SHQ1: variants seen among roughly 807,000 people sequenced by gnomAD.
SHQ1 encodes protein SHQ1 homolog.
Under a neutral mutation model 53.8 loss-of-function variants are expected in SHQ1, and 49 were observed. The observed-to-expected ratio is 0.91, with a 90% CI of 0.72 to 1.16. The LOEUF (loss-of-function observed/expected upper bound fraction) is 1.16, where lower values mean the gene tolerates loss of function less well. SHQ1 is among the 50% of genes most tolerant of loss of function. The pLI is 0.00. For missense variants in SHQ1, 738 were observed against 683.1 expected, an observed-to-expected ratio of 1.08 and a Z score of -0.90; for synonymous variants, 243 against 251.0, an observed-to-expected ratio of 0.97 and a Z score of 0.30.
chr3:72,768,301 T>C (rs760532472), intron 10 of SHQ1, among the ~76,000 whole-genome samples: 1 of 152,346 alleles, frequency 6.6e-6, no homozygotes, highest in Non-Finnish European at 1.5e-5. Flanking sequence ...AGAGGCAGTT[T>C]GACTTTCTTC....
chr3:72,835,106 CTTT>C (rs761840255), intron 4 of SHQ1, among the ~76,000 whole-genome samples: 18 of 130,760 alleles, frequency 1.4e-4, no homozygotes, highest in African/African-American at 3.9e-4. Flanking sequence ...CCATCAGCTT[CTTT>C]TTTTTTTTTT....
intron 8 of SHQ1, among the ~76,000 whole-genome samples, chr3:72,814,939 T>C (rs569913095): frequency 6.6e-6 from 1 of 152,326 alleles, no homozygotes; most frequent in African/African-American, 2.4e-5. Flanking sequence ...TTTTTACATA[T>C]ACACATATAT....
At chr3:72,786,643 C>T (rs6764729) in intron 10 of SHQ1, among the ~76,000 whole-genome samples, 15 of 152,320 alleles carry the variant, frequency 9.8e-5, no homozygotes, top group Admixed American at 9.8e-4. Context: ...GATGCTTCCA[C>T]AGCTCCCATA....
intron 9 of SHQ1, among the ~76,000 whole-genome samples, chr3:72,803,687 TTAC>T (rs1337015138): frequency 4.6e-5 from 7 of 152,358 alleles, no homozygotes; most frequent in Admixed American, 3.9e-4. Context: ...TCTGATGCAC[TTAC>T]TCAATTCTGT....
chr3:72,771,015 T>G (rs1308387830), intron 10 of SHQ1, among the ~76,000 whole-genome samples: 1 of 152,160 alleles, frequency 6.6e-6, no homozygotes, highest in Non-Finnish European at 1.5e-5. Context: ...TATGAGTGTA[T>G]GATTATACAG....
intron 9 of SHQ1, chr3:72,794,187 T>C (rs1559675184): frequency 6.6e-6 from 1 of 152,244 alleles, no homozygotes; most frequent in African/African-American, 2.4e-5. Context: ...ATGAAGATAC[T>C]GGATGCACTT....
At chr3:72,817,114 C>T in intron 7 of SHQ1, 116 bp downstream of exon 7, 1 of 1,115,578 alleles carries the variant, frequency 9.0e-7, no homozygotes, top group Non-Finnish European at 1.2e-6. Context: ...CTGCTGGGGG[C>T]ATCCCCTGAA....
intron 10 of SHQ1, among the ~76,000 whole-genome samples, chr3:72,754,844 A>G (rs1251012504): frequency 6.6e-6 from 1 of 152,210 alleles, no homozygotes; most frequent in Non-Finnish European, 1.5e-5. Context: ...TATACATATA[A>G]GCATCATCTA....
At position 72,817,351 on chromosome 3, in the gene SHQ1, C is replaced by T. The variant is rs757958098; in HGVS notation, c.761G>A (p.Arg254Gln). 9.3e-6 allele frequency: 15 copies of T among 1,612,322 alleles called. No individual in the cohort carries two copies. The highest frequency in any genetic ancestry group is 2.7e-5 in the African/African-American group (2 of 74,852). The change falls in exon 7 of 11, where the codon CGA becomes CAA. Residue 254 changes from arginine (R) to glutamine (Q), a missense_variant. Arg to Gln is a conservative substitution (Grantham distance 43). Coordinates refer to ENST00000325599, the MANE Select transcript of SHQ1 (RefSeq NM_018130.3). ...SFSEEEKYQLRKFVNKSYLLD... is the reference protein window; with the variant it reads ...SFSEEEKYQLQKFVNKSYLLD... Reference sequence around the variant, plus strand: ...CAGATAAGATTTATTGACAAATTTTCGTAGCTGATACTTCTCTTCTTCAGA... The same window carrying T: ...CAGATAAGATTTATTGACAAATTTTTGTAGCTGATACTTCTCTTCTTCAGA...
chr3:72,770,925 A>G (rs1364604166), intron 10 of SHQ1, among the ~76,000 whole-genome samples: 1 of 152,200 alleles, frequency 6.6e-6, no homozygotes, highest in East Asian at 1.9e-4. Flanking sequence ...GCACCTGGGA[A>G]CCCTGTGCAA....
downstream of SHQ1, among the ~76,000 whole-genome samples, chr3:72,748,959 ACACACG>A (rs752716519): frequency 3.7e-5 from 5 of 134,230 alleles, no homozygotes; most frequent in Admixed American, 7.1e-5. Flanking sequence ...TGTCTCAAAC[ACACACG>A]CACACGCACA....
At chr3:72,829,677 T>C (rs1179013708) in intron 5 of SHQ1, among the ~76,000 whole-genome samples, 1 of 152,228 alleles carries the variant, frequency 6.6e-6, no homozygotes, top group Non-Finnish European at 1.5e-5. Context: ...TTAATTAATA[T>C]ACATCTTTTT....
At chr3:72,835,034 A>G (rs111841148) in intron 4 of SHQ1, among the ~76,000 whole-genome samples, 1,526 of 151,954 alleles carry the variant, frequency 0.01, 30 homozygotes, top group African/African-American at 0.033. Context: ...TTGTTTGTCC[A>G]TACCATCTTA....
At chr3:72,800,572 G>A (rs1706757249) in intron 9 of SHQ1, among the ~76,000 whole-genome samples, 2 of 152,206 alleles carry the variant, frequency 1.3e-5, no homozygotes, top group Non-Finnish European at 2.9e-5. Flanking sequence ...TGAAGTCCTT[G>A]ACAGGAAAGG....
intron 10 of SHQ1, among the ~76,000 whole-genome samples, chr3:72,761,327 A>G (rs1180679482): frequency 6.6e-6 from 1 of 151,892 alleles, no homozygotes; most frequent in Non-Finnish European, 1.5e-5. Context: ...ACACACCACC[A>G]CGCCTGGCTA....
chr3:72,812,592 A>G, intron 9 of SHQ1, 79 bp downstream of exon 9: 1 of 1,544,692 alleles, frequency 6.5e-7, no homozygotes, highest in Non-Finnish European at 8.8e-7. Context: ...TAAAAAAGCA[A>G]AAATCATTAT....
intron 10 of SHQ1, among the ~76,000 whole-genome samples, chr3:72,772,177 A>G (rs1454722802): frequency 6.6e-6 from 1 of 152,152 alleles, no homozygotes; most frequent in Non-Finnish European, 1.5e-5. Flanking sequence ...AAAAGCTTAA[A>G]GCAAAATGTA....
At chr3:72,748,554 G>A (rs1049504947), downstream of SHQ1, among the ~76,000 whole-genome samples, 3 of 151,928 alleles carry the variant, frequency 2.0e-5, no homozygotes, top group Admixed American at 6.6e-5. Context: ...AGCCCAGCAC[G>A]GTGGCACACA....
At position 72,812,691 on chromosome 3, in the gene SHQ1, G is replaced by C. The variant is rs1256819786; in HGVS notation, c.1040C>G (p.Thr347Ser). Residue 347 changes from threonine to serine, a missense_variant, in exon 9 of 11, where the codon ACT becomes AGT. Coordinates refer to ENST00000325599, the MANE Select transcript of SHQ1 (RefSeq NM_018130.3). The part of the protein sequence containing the change: ...FKLVMKAYRD[T>S]IKILQLGKSA... Reference sequence around the variant, plus strand: ...CTTACCCAGTTGCAATATCTTTATAGTGTCCCTGTAGGCCTTCATCACCAG... The same window carrying C: ...CTTACCCAGTTGCAATATCTTTATACTGTCCCTGTAGGCCTTCATCACCAG... The C allele has an allele frequency of 6.2e-7, 1 of 1,613,928 alleles. No individual in the cohort carries two copies. The highest frequency in any genetic ancestry group is 1.1e-5 in the South Asian group (1 of 91,056).
Sources: gnomAD v4.1 joint callset for allele counts (sites outside exome capture counted in the v4.1 genomes callset) on GRCh38, gnomAD v4.1.1 for gene constraint, MANE v1.5 for transcripts, NCBI Gene and HGNC (gene_info 2026-07-23, HGNC 2026-07-21) for gene names.